ST3GAL3: variants seen among roughly 807,000 people sequenced by gnomAD.
The protein encoded by ST3GAL3 is ST3 beta-galactoside alpha-2,3-sialyltransferase 3, also known as CMP-N-acetylneuraminate-beta-1,4-galactoside alpha-2,3-sialyltransferase.
A neutral mutation model predicts 50.1 loss-of-function variants in ST3GAL3; 21 were observed. The ratio of observed to expected loss-of-function variants is 0.42; its 90% CI spans 0.30 to 0.60. The LOEUF (loss-of-function observed/expected upper bound fraction) is 0.60. Among genes scored for constraint, ST3GAL3 ranks in the 20% least tolerant of loss-of-function variants. The probability of loss-of-function intolerance (pLI) is 0.19; values close to 1 mark genes in which losing one functional copy is unlikely to be tolerated. For missense variants in ST3GAL3, 353 were observed against 489.4 expected (o/e 0.72, Z 2.63); for synonymous variants, 183 against 190.0 (o/e 0.96, Z 0.30).
At chr1:43,792,215 T>C (rs895622812) in intron 3 of ST3GAL3, 66 bp downstream of exon 3, 9 of 1,597,212 alleles carry the variant, frequency 5.6e-6, no homozygotes, top group Admixed American at 1.7e-5. Flanking sequence ...TTGTGAAGCC[T>C]AATCAAGTAT....
At chr1:43,912,375 G>C (rs2081082165) in intron 9 of ST3GAL3, 1 of 152,156 alleles carries the variant, frequency 6.6e-6, no homozygotes, top group South Asian at 2.1e-4. Flanking sequence ...TAGGGGTACA[G>C]AGTTAGAGTA....
At chr1:43,873,063 T>A (rs993567186) in intron 5 of ST3GAL3, among the ~76,000 whole-genome samples, 1 of 151,884 alleles carries the variant, frequency 6.6e-6, no homozygotes, top group African/African-American at 2.4e-5. Context: ...GTGTTGGAGG[T>A]CACTCTAGGA....
intron 5 of ST3GAL3, among the ~76,000 whole-genome samples, chr1:43,892,382 C>T (rs2154265564): frequency 6.6e-6 from 1 of 152,310 alleles, no homozygotes; most frequent in Admixed American, 6.5e-5. Context: ...CTCAGCCTCC[C>T]AGATAGCTGG....
chr1:43,774,079 AAGAC>A (rs146694879), intron 2 of ST3GAL3, among the ~76,000 whole-genome samples: 24,413 of 152,132 alleles, frequency 0.16, 2,516 homozygotes, highest in East Asian at 0.32. Flanking sequence ...AGAGGCAAAA[AAGAC>A]AGAATAGCCA....
chr1:43,811,497 TG>T (rs3838468), intron 3 of ST3GAL3, among the ~76,000 whole-genome samples: 50,997 of 152,016 alleles, frequency 0.34, 10,118 homozygotes, highest in East Asian at 0.59. Context: ...TCCTCACTTC[TG>T]CAGCTCCTGG....
At chr1:43,784,997 AATG>A (rs1428050220) in intron 2 of ST3GAL3, among the ~76,000 whole-genome samples, 1 of 152,054 alleles carries the variant, frequency 6.6e-6, no homozygotes, top group Non-Finnish European at 1.5e-5. Flanking sequence ...CTCCTAAATT[AATG>A]ATGATGTTTT....
At chr1:43,790,082 T>C (rs1450272340) in intron 2 of ST3GAL3, among the ~76,000 whole-genome samples, 1 of 152,158 alleles carries the variant, frequency 6.6e-6, no homozygotes, top group Admixed American at 6.5e-5. Context: ...AACCACATCC[T>C]CCAGCTCTCT....
At chr1:43,901,793 C>T (rs1341589999) in intron 9 of ST3GAL3, among the ~76,000 whole-genome samples, 1 of 152,164 alleles carries the variant, frequency 6.6e-6, no homozygotes, top group Non-Finnish European at 1.5e-5. Context: ...GAACTCCTAC[C>T]CAGGGTGGGT....
intron 2 of ST3GAL3, among the ~76,000 whole-genome samples, chr1:43,742,004 C>T (rs1165063332): frequency 1.3e-5 from 2 of 152,088 alleles, no homozygotes; most frequent in Non-Finnish European, 2.9e-5. Flanking sequence ...GCAAGAGGGT[C>T]TCAGAAGTCT....
At chr1:43,917,208 C>T (rs887957567) in intron 9 of ST3GAL3, among the ~76,000 whole-genome samples, 7 of 151,542 alleles carry the variant, frequency 4.6e-5, no homozygotes, top group Admixed American at 3.3e-4. Context: ...CACAAATATA[C>T]ACATACACAG....
chr1:43,810,471 G>A (rs1472822252), intron 3 of ST3GAL3, among the ~76,000 whole-genome samples: 1 of 152,180 alleles, frequency 6.6e-6, no homozygotes, highest in Non-Finnish European at 1.5e-5. Context: ...TGAGAGAAAT[G>A]GGGTCCGTGG....
chr1:43,834,065 G>A (rs1328060996), intron 4 of ST3GAL3, among the ~76,000 whole-genome samples: 1 of 152,148 alleles, frequency 6.6e-6, no homozygotes. Context: ...GGAGGCTGAG[G>A]CAGGAGAATC....
At chr1:43,850,604 A>G in intron 5 of ST3GAL3, 2 of 761,700 alleles carry the variant, frequency 2.6e-6, no homozygotes, top group East Asian at 2.6e-5. Context: ...TGCAGGCAAT[A>G]GAACAGGCTT....
chr1:43,790,196 C>A (rs957110568), intron 2 of ST3GAL3, among the ~76,000 whole-genome samples: 2 of 152,160 alleles, frequency 1.3e-5, no homozygotes, highest in African/African-American at 4.8e-5. Flanking sequence ...TGTTATTCAG[C>A]AAATATTGAG....
In ST3GAL3 at chr1:43,898,279, C is replaced by T. The variant is rs1570937203; in HGVS notation, c.442C>T (p.Leu148=). ...AILSVTKEYR[L]TPALDSLRCR... is the part of the protein sequence containing the mutation. ...CTTGTCAGTCACCAAAGAGTACCGC[C>T]TGACCCCTGCCTTGGACAGGTGAGC... Residue 148 remains leucine (L), a synonymous_variant, in exon 7 of 12, where the codon CTG becomes TTG. Coordinates refer to ENST00000347631, the MANE Select transcript of ST3GAL3 (RefSeq NM_006279.5). 5.6e-6 allele frequency: 9 copies of T among 1,613,842 alleles called. No homozygotes were observed. The highest frequency in any genetic ancestry group is 1.7e-5 in the Admixed American group (1 of 60,032).
At chr1:43,783,908 G>A in intron 2 of ST3GAL3, among the ~76,000 whole-genome samples, 1 of 152,088 alleles carries the variant, frequency 6.6e-6, no homozygotes, top group Admixed American at 6.5e-5. Context: ...CAATTTCATG[G>A]TGACTCACTT....
At chr1:43,800,612 C>T (rs1476451039) in intron 3 of ST3GAL3, among the ~76,000 whole-genome samples, 1 of 152,200 alleles carries the variant, frequency 6.6e-6, no homozygotes. Context: ...TCCACGGCAT[C>T]CCTGCTAGCC....
chr1:43,753,942 T>G (rs1352342670), intron 2 of ST3GAL3, among the ~76,000 whole-genome samples: 4 of 152,172 alleles, frequency 2.6e-5, no homozygotes, highest in African/African-American at 9.7e-5. Flanking sequence ...TCAGGTAACT[T>G]ACTGTCTCCT....
intron 5 of ST3GAL3, among the ~76,000 whole-genome samples, chr1:43,857,588 CT>C (rs2068801383): frequency 8.8e-6 from 1 of 113,850 alleles, no homozygotes; most frequent in Admixed American, 8.8e-5. Flanking sequence ...TCCTCCCTCC[CT>C]TCCTTCCTTC....
Sources: gnomAD v4.1 joint callset for allele counts (sites outside exome capture counted in the v4.1 genomes callset) on GRCh38, gnomAD v4.1.1 for gene constraint, MANE v1.5 for transcripts, NCBI Gene and HGNC (gene_info 2026-07-23, HGNC 2026-07-21) for gene names.